PAQR5: variants seen among roughly 807,000 people sequenced by gnomAD.
The protein encoded by PAQR5 is membrane progestin receptor gamma.
A neutral mutation model predicts 34.5 loss-of-function variants in PAQR5; 20 were observed. The ratio of observed to expected loss-of-function variants is 0.58; its 90% CI spans 0.41 to 0.84. The LOEUF (loss-of-function observed/expected upper bound fraction) is 0.84. PAQR5 is among the 40% of genes least tolerant of loss of function. PAQR5 has a pLI of 0.00. For missense variants in PAQR5, 378 were observed against 412.7 expected (o/e 0.92, Z 0.73); for synonymous variants, 131 against 155.6 (o/e 0.84, Z 1.18).
At chr15:69,353,992 C>G (rs796400487) in intron 2 of PAQR5, among the ~76,000 whole-genome samples, 1 of 152,132 alleles carries the variant, frequency 6.6e-6, no homozygotes, top group Admixed American at 6.5e-5. Context: ...CACTCCTACC[C>G]GACAACGGGA....
chr15:69,304,889 C>T (rs1215742725), intron 1 of PAQR5, among the ~76,000 whole-genome samples: 1 of 152,226 alleles, frequency 6.6e-6, no homozygotes, highest in Non-Finnish European at 1.5e-5. Context: ...ACTCCACTAG[C>T]TTGCCACTTG....
At chr15:69,322,760 A>AGAAGAGGGAGAAGAAGAAGAAGATGAG (rs2054142264) in intron 1 of PAQR5, among the ~76,000 whole-genome samples, 1 of 42,158 alleles carries the variant, frequency 2.4e-5, no homozygotes, top group African/African-American at 7.9e-5. Context: ...AAGAAGAAGA[A>AGAAGAGGGAGAAGAAGAAGAAGATGAG]GAAGAAGAAG....
chr15:69,361,326 T>C (rs1352346972), intron 3 of PAQR5, among the ~76,000 whole-genome samples: 1 of 152,220 alleles, frequency 6.6e-6, no homozygotes, highest in Admixed American at 6.5e-5. Flanking sequence ...ATCCTGTCCT[T>C]GCGTGACTCA....
At chr15:69,389,058 G>A (rs1010995689) in intron 5 of PAQR5, among the ~76,000 whole-genome samples, 5 of 152,202 alleles carry the variant, frequency 3.3e-5, no homozygotes, top group African/African-American at 9.7e-5. Flanking sequence ...AAAACACAAC[G>A]CAACACCCAA....
intron 7 of PAQR5, among the ~76,000 whole-genome samples, chr15:69,399,555 C>T (rs1028561256): frequency 6.6e-6 from 1 of 152,132 alleles, no homozygotes; most frequent in Admixed American, 6.5e-5. Flanking sequence ...ATGCCCCTAG[C>T]CTGCATGTTA....
At chr15:69,373,041 G>C (rs539784675) in intron 3 of PAQR5, among the ~76,000 whole-genome samples, 2 of 152,200 alleles carry the variant, frequency 1.3e-5, no homozygotes, top group South Asian at 2.1e-4. Flanking sequence ...GAGGCTGCCT[G>C]CTCTCCTTGG....
At chr15:69,360,405 A>G (rs1291551757) in intron 3 of PAQR5, among the ~76,000 whole-genome samples, 1 of 152,230 alleles carries the variant, frequency 6.6e-6, no homozygotes, top group Non-Finnish European at 1.5e-5. Context: ...TTCAACCTGA[A>G]GAGATAAAGC....
intron 4 of PAQR5, chr15:69,380,377 C>T (rs983090554): frequency 2.5e-5 from 5 of 202,372 alleles, no homozygotes; most frequent in Non-Finnish European, 5.0e-5. Context: ...GTCAACCTCT[C>T]TGAGCCTCTC....
chr15:69,307,150 A>G (rs2053737121), intron 1 of PAQR5, among the ~76,000 whole-genome samples: 1 of 151,248 alleles, frequency 6.6e-6, no homozygotes, highest in Non-Finnish European at 1.5e-5. Flanking sequence ...GCTGGAGTGC[A>G]GTGGCACGAT....
chr15:69,298,969 C>A lies in PAQR5; in HGVS notation c.-364C>A, dbSNP rs1037506466. On this transcript the variant is annotated 5_prime_UTR_variant, in exon 1 of 9. Coordinates refer to ENST00000395407, the MANE Select transcript of PAQR5 (RefSeq NM_017705.4). ...GCAGGGCCCGCGAGTCCGGGGTCGCCGCAGCCCGGGAGGAGTGTCTGGTCT... is the reference window on the plus strand; with the variant it reads ...GCAGGGCCCGCGAGTCCGGGGTCGCAGCAGCCCGGGAGGAGTGTCTGGTCT... The A allele has an allele frequency of 2.6e-5, 4 of 151,984 alleles. No individual in the cohort carries two copies. Among genetic ancestry groups the A allele is most frequent in the Admixed American group, 2.6e-4 (4 of 15,272 alleles). The allele number at this position is 151,984 out of a possible 1,614,324, so 9.4% of individuals were successfully genotyped here. A position where few individuals can be genotyped will look rare whatever the true frequency, so the allele number is the denominator to read the frequency against.
At chr15:69,397,259 G>A (rs2056467812) in intron 6 of PAQR5, 1 of 689,324 alleles carries the variant, frequency 1.5e-6, no homozygotes, top group African/African-American at 1.8e-5. Context: ...TGGTGTCCCT[G>A]GAGATCTTTT....
At chr15:69,342,609 C>T (rs1320941010) in intron 2 of PAQR5, among the ~76,000 whole-genome samples, 3 of 152,178 alleles carry the variant, frequency 2.0e-5, no homozygotes, top group African/African-American at 7.2e-5. Context: ...CTCCCTCCAT[C>T]GTCCCCCAGG....
intron 1 of PAQR5, among the ~76,000 whole-genome samples, chr15:69,304,161 C>A (rs1378558546): frequency 1.3e-5 from 2 of 152,182 alleles, no homozygotes; most frequent in Admixed American, 6.5e-5. Context: ...CCCTACCCCC[C>A]CATCCTTGTC....
intron 3 of PAQR5, among the ~76,000 whole-genome samples, chr15:69,376,739 G>C (rs1414499005): frequency 6.6e-6 from 1 of 152,186 alleles, no homozygotes; most frequent in East Asian, 1.9e-4. Context: ...CTCAGCCCTG[G>C]CTTTGGTGGC....
intron 3 of PAQR5, among the ~76,000 whole-genome samples, chr15:69,372,036 C>A (rs1165175762): frequency 6.6e-6 from 1 of 152,190 alleles, no homozygotes; most frequent in African/African-American, 2.4e-5. Flanking sequence ...TGTGTTTCAG[C>A]AAGATGTCCC....
chr15:69,389,050 AAC>A (rs1270385487), intron 5 of PAQR5, among the ~76,000 whole-genome samples: 2 of 152,184 alleles, frequency 1.3e-5, no homozygotes, highest in Non-Finnish European at 2.9e-5. Flanking sequence ...CAAAACCTAA[AAC>A]ACAACGCAAC....
intron 1 of PAQR5, among the ~76,000 whole-genome samples, chr15:69,308,218 C>T (rs539352726): frequency 8.3e-4 from 127 of 152,278 alleles, no homozygotes; most frequent in African/African-American, 2.8e-3. Context: ...CTGCCAAGCT[C>T]GAGGCTGCAT....
At chr15:69,398,252 T>A (rs1249684191) in intron 7 of PAQR5, among the ~76,000 whole-genome samples, 4 of 152,082 alleles carry the variant, frequency 2.6e-5, no homozygotes, top group African/African-American at 9.6e-5. Context: ...GGGAAAGAGA[T>A]GGAGAGCATA....
At chr15:69,354,896 CCTT>C (rs1211458852) in intron 2 of PAQR5, among the ~76,000 whole-genome samples, 1 of 152,226 alleles carries the variant, frequency 6.6e-6, no homozygotes, top group East Asian at 1.9e-4. Context: ...GCTGGGTCAC[CCTT>C]CTTCTCCTTC....
Sources: allele counts gnomAD v4.1 joint callset (sites outside exome capture counted in the v4.1 genomes callset), GRCh38; gene constraint gnomAD v4.1.1; transcripts MANE v1.5; gene names NCBI Gene and HGNC (gene_info 2026-07-23, HGNC 2026-07-21).